PIBF1: variants seen among roughly 807,000 people sequenced by gnomAD.
PIBF1 encodes progesterone-induced-blocking factor 1.
In PIBF1, 90 loss-of-function variants were observed where a neutral mutation model predicts 112.5. The ratio of observed to expected loss-of-function variants is 0.80; its 90% CI spans 0.67 to 0.95. PIBF1 has a LOEUF of 0.95. PIBF1 is among the 40% of genes least tolerant of loss of function. PIBF1 has a pLI of 0.00. For missense variants in PIBF1, 915 were observed against 852.3 expected, an observed-to-expected ratio of 1.07 and a Z score of -0.92; for synonymous variants, 301 against 288.6, an observed-to-expected ratio of 1.04 and a Z score of -0.44.
intron 2 of PIBF1, among the ~76,000 whole-genome samples, chr13:72,784,182 A>G (rs1286399217): frequency 1.3e-5 from 2 of 151,926 alleles, no homozygotes; most frequent in Admixed American, 6.6e-5. Context: ...GTTGTACATG[A>G]CATATACACA....
intron 14 of PIBF1, among the ~76,000 whole-genome samples, chr13:72,937,390 T>C (rs1327823127): frequency 1.3e-5 from 2 of 152,248 alleles, no homozygotes; most frequent in African/African-American, 2.4e-5. Context: ...AAGTGATATT[T>C]AGTAAAACAT....
intron 17 of PIBF1, among the ~76,000 whole-genome samples, chr13:73,010,810 C>CTTTTTGTTTTTTTTT (rs2044174823): frequency 2.5e-5 from 1 of 40,280 alleles, no homozygotes; most frequent in African/African-American, 9.6e-5. Context: ...ATTAACTTTT[C>CTTTTTGTTTTTTTTT]TTTTTTTTTT....
chr13:73,002,011 C>G (rs1018788769), intron 17 of PIBF1, among the ~76,000 whole-genome samples: 1 of 152,016 alleles, frequency 6.6e-6, no homozygotes, highest in African/African-American at 2.4e-5. Context: ...TCAAAATTCC[C>G]TTTTTTAGAA....
In PIBF1 at chr13:72,854,121, GA is replaced by G. The variant is rs1402014447; in HGVS notation, c.1289del (p.Asp430ValfsTer3). 1.9e-6 allele frequency: 3 copies of G among 1,612,930 alleles called. No homozygotes were observed. In the African/African-American group the frequency reaches 4.0e-5, roughly 22 times the overall value. ...GGAACGAGCAGTGATGGCTGAAAAG[GA>G]TGCTTTAGAAAAACACGATCAGCTC... is the stretch of plus-strand genomic sequence containing the variant. ...EKERAVMAEK[D>X]ALEKHDQLLD... On this transcript the variant is annotated frameshift_variant, in exon 10 of 18. Coordinates refer to ENST00000326291, the MANE Select transcript of PIBF1 (RefSeq NM_006346.4). LOFTEE classifies it high-confidence loss of function.
intron 5 of PIBF1, among the ~76,000 whole-genome samples, chr13:72,809,013 A>G (rs2035873309): frequency 6.6e-6 from 1 of 152,082 alleles, no homozygotes; most frequent in Non-Finnish European, 1.5e-5. Flanking sequence ...TATTCTCTAC[A>G]GAGAGTTCAT....
intron 5 of PIBF1, among the ~76,000 whole-genome samples, chr13:72,808,459 G>C (rs895047875): frequency 6.6e-6 from 1 of 151,868 alleles, no homozygotes. Context: ...TGAGAACATT[G>C]TGAGTATTAT....
In PIBF1 at chr13:73,007,731, C is replaced by T. The variant is rs1019207251; in HGVS notation, c.2224-8138C>T. Among the ~76,000 whole-genome samples the T allele has an allele frequency of 3.3e-5, 5 of 151,596 alleles. No individual in the cohort carries two copies. The South Asian group carries it at 1.0e-3, about 32-fold the overall frequency. On this transcript the variant is annotated intron_variant, in intron 17 of 17. Coordinates refer to ENST00000326291, the MANE Select transcript of PIBF1 (RefSeq NM_006346.4). ...GGCTGAGGCAGGAGAATCGCTTGAA[C>T]CCAAGAGGCAGAGGTTGCAGTGAGA...
At chr13:72,990,567 G>C (rs2043446010) in intron 16 of PIBF1, among the ~76,000 whole-genome samples, 1 of 144,870 alleles carries the variant, frequency 6.9e-6, no homozygotes, top group Admixed American at 7.1e-5. Flanking sequence ...GAAGTTTAAA[G>C]CTGGGCATGG....
In PIBF1 at chr13:72,863,854, G is replaced by A. The variant is rs115502950; in HGVS notation, c.1322+9699G>A. 1.7e-3 allele frequency among the ~76,000 whole-genome samples: 264 copies of A among 152,290 alleles called. 1 individual carries two copies. The highest frequency in any genetic ancestry group is 5.8e-3 in the African/African-American group (240 of 41,558). ...ATCTTTACGTGTGAGATTTCCAAGA[G>A]GGAAAGTGCTTATTTTCCCATTCTG... On this transcript the variant is annotated intron_variant, in intron 10 of 17. Coordinates refer to ENST00000326291, the MANE Select transcript of PIBF1 (RefSeq NM_006346.4).
intron 17 of PIBF1, among the ~76,000 whole-genome samples, chr13:73,008,003 C>T (rs560014690): frequency 9.9e-4 from 150 of 152,214 alleles, no homozygotes; most frequent in African/African-American, 3.5e-3. Flanking sequence ...GAAGAATATA[C>T]ATTTTATGAA....
intron 16 of PIBF1, among the ~76,000 whole-genome samples, chr13:72,982,246 T>C (rs1383037139): frequency 6.6e-6 from 1 of 152,114 alleles, no homozygotes; most frequent in African/African-American, 2.4e-5. Context: ...AAGATCAGCC[T>C]GGGCAACATG....
chr13:72,881,292 G>A, intron 10 of PIBF1: 1 of 152,136 alleles, frequency 6.6e-6, no homozygotes, highest in East Asian at 1.9e-4. Context: ...ATTCAGTAAA[G>A]TTGCAGGATA....
At chr13:72,901,974 G>A (rs1258007729) in intron 11 of PIBF1, among the ~76,000 whole-genome samples, 13 of 131,062 alleles carry the variant, frequency 9.9e-5, no homozygotes, top group Admixed American at 1.7e-4. Flanking sequence ...CCTATCAATC[G>A]AATGGATAAA....
At chr13:72,966,925 A>G (rs548152168) in intron 15 of PIBF1, among the ~76,000 whole-genome samples, 1 of 150,504 alleles carries the variant, frequency 6.6e-6, no homozygotes, top group African/African-American at 2.5e-5. Flanking sequence ...ATTAAAATTA[A>G]AATTAAATTT....
chr13:72,871,451 G>A (rs1372377550), intron 10 of PIBF1, among the ~76,000 whole-genome samples: 1 of 151,958 alleles, frequency 6.6e-6, no homozygotes, highest in East Asian at 1.9e-4. Context: ...GATTACAGGT[G>A]CCCACCACCT....
At chr13:72,900,810 G>A (rs555482784) in intron 11 of PIBF1, among the ~76,000 whole-genome samples, 1 of 152,270 alleles carries the variant, frequency 6.6e-6, no homozygotes, top group Admixed American at 6.5e-5. Context: ...ATTACATGAG[G>A]TTGGGAGTTC....
At position 72,895,932 on chromosome 13, in the gene PIBF1, G is replaced by C. The variant is rs184355730; in HGVS notation, c.1488+1983G>C. Among the ~76,000 whole-genome samples, 110 of 152,260 alleles carry C rather than the reference G, an allele frequency of 7.2e-4. No individual in the cohort carries two copies. In the Middle Eastern group the frequency reaches 0.02, roughly 28 times the overall value. On this transcript the variant is annotated intron_variant, in intron 11 of 17. Transcript: ENST00000326291. The stretch of plus-strand genomic sequence containing the variant: ...AACAGACTCTTGGGCTGTTGTGTTG[G>C]GGGGAGCCAGTGGGAGCGAGACCAG...
chr13:72,949,300 C>CTTTTTTTTTTTT lies in PIBF1; in HGVS notation c.1834-15952_1834-15941dup, dbSNP rs71099771. ...AACTACTACCTAGACAAATAGCTGTCTTTTTTTTTTTTTTTTTTTTTTTTT... is the reference window on the plus strand; with the variant it reads ...AACTACTACCTAGACAAATAGCTGTCTTTTTTTTTTTTTTTTTTTTTTTTTTTTTTTTTTTTT... On this transcript the variant is annotated intron_variant, in intron 14 of 17. Transcript: ENST00000326291. 7.5e-4 allele frequency among the ~76,000 whole-genome samples: 41 copies of CTTTTTTTTTTTT among 54,980 alleles called. 8 individuals are homozygous for CTTTTTTTTTTTT. The highest frequency in any genetic ancestry group is 2.7e-3 in the South Asian group (3 of 1,124). The allele number at this position is 54,980 out of a possible 152,430, so 36.1% of individuals were successfully genotyped here.
chr13:72,955,480 G>A (rs373847190), intron 14 of PIBF1, among the ~76,000 whole-genome samples: 5 of 151,866 alleles, frequency 3.3e-5, no homozygotes, highest in East Asian at 3.9e-4. Context: ...CTGTTTATAC[G>A]TCAAACAAAT....
Sources: gnomAD v4.1 joint callset for allele counts (sites outside exome capture counted in the v4.1 genomes callset) on GRCh38, gnomAD v4.1.1 for gene constraint, MANE v1.5 for transcripts, NCBI Gene and HGNC (gene_info 2026-07-23, HGNC 2026-07-21) for gene names.